SH3RF1: variants seen among roughly 807,000 people sequenced by gnomAD.
The protein encoded by SH3RF1 is SH3 domain containing ring finger 1, also known as E3 ubiquitin-protein ligase SH3RF1.
SH3RF1 carries 32 observed loss-of-function variants against 74.0 expected under a neutral mutation model. That is an observed-to-expected ratio of 0.43 (90% CI 0.33 to 0.58). The LOEUF (loss-of-function observed/expected upper bound fraction) is 0.58, where lower values mean the gene tolerates loss of function less well. SH3RF1 is among the 20% of genes least tolerant of loss of function. The pLI, the probability that SH3RF1 is intolerant of heterozygous loss-of-function variation, is 0.05. For missense variants in SH3RF1, 954 were observed against 1,130.9 expected (o/e 0.84, Z 2.24); for synonymous variants, 396 against 439.6 (o/e 0.90, Z 1.24).
chr4:169,258,694 T>C (rs1214741589), intron 2 of SH3RF1, among the ~76,000 whole-genome samples: 2 of 152,200 alleles, frequency 1.3e-5, no homozygotes, highest in African/African-American at 4.8e-5. Context: ...ATTAGTAAAC[T>C]AAATGTCACT....
rs1734058595 is a variant in SH3RF1, at chr4:169,156,548, T to C, written c.525A>G (p.Glu175=). ...GGAAAAAGCCATGGATTCCATTGAC[T>C]TCCCCATGGTACCAATTTTCATCCA... ...RQVDENWYHG[E]VNGIHGFFPT... Residue 175 remains glutamate, a synonymous_variant, in exon 3 of 12, where the codon GAA becomes GAG. Coordinates refer to ENST00000284637, the MANE Select transcript of SH3RF1 (RefSeq NM_020870.4). 6.2e-7 allele frequency: 1 copy of C among 1,614,168 alleles called. No individual in the cohort carries two copies. The highest frequency in any genetic ancestry group is 8.5e-7 in the Non-Finnish European group (1 of 1,180,008).
At chr4:169,252,517 T>TGGC (rs943069720) in intron 2 of SH3RF1, among the ~76,000 whole-genome samples, 2 of 152,238 alleles carry the variant, frequency 1.3e-5, no homozygotes, top group Non-Finnish European at 2.9e-5. Flanking sequence ...CCCTACCATC[T>TGGC]GGCACCTGGG....
At chr4:169,229,382 T>G (rs2127006256) in intron 2 of SH3RF1, among the ~76,000 whole-genome samples, 1 of 152,260 alleles carries the variant, frequency 6.6e-6, no homozygotes, top group African/African-American at 2.4e-5. Flanking sequence ...ATATAATACT[T>G]TATTGTACAA....
At position 169,136,380 on chromosome 4, in the gene SH3RF1, T is replaced by C; in HGVS notation, c.1006A>G (p.Asn336Asp). 6.3e-7 allele frequency: 1 copy of C among 1,584,272 alleles called. No individual in the cohort carries two copies. Among genetic ancestry groups the C allele is most frequent in the Non-Finnish European group, 8.6e-7 (1 of 1,167,418 alleles). The stretch of plus-strand genomic sequence containing the variant: ...CTGATCCGTGCAGCAGCAGTGGGGT[T>C]GCTGGAGCTGATGAGGACAGGGGGG... ...ISPPVLISSS[N>D]PTAAARISEL... Residue 336 changes from asparagine to aspartate, a missense_variant, in exon 5 of 12, where the codon AAC becomes GAC. Transcript: ENST00000284637.
At chr4:169,225,818 G>A (rs1366588135) in intron 2 of SH3RF1, among the ~76,000 whole-genome samples, 1 of 152,162 alleles carries the variant, frequency 6.6e-6, no homozygotes, top group East Asian at 1.9e-4. Context: ...TTAAAGAGCA[G>A]AATCCAGTGG....
In SH3RF1 at chr4:169,247,324, A is replaced by G. The variant is rs139861160; in HGVS notation, c.393+21496T>C. Reference sequence around the variant, plus strand: ...CGCTGAGGGATCTTCCCCCAAATAAATATTTACTGAGAGAGTGAATGGTGG... The same window carrying G: ...CGCTGAGGGATCTTCCCCCAAATAAGTATTTACTGAGAGAGTGAATGGTGG... On this transcript the variant is annotated intron_variant, in intron 2 of 11. Transcript: ENST00000284637. Among the ~76,000 whole-genome samples, 349 of 152,310 alleles carry G rather than the reference A, an allele frequency of 2.3e-3. 2 individuals are homozygous for G. The highest frequency in any genetic ancestry group is 5.0e-3 in the Admixed American group (77 of 15,306).
intron 4 of SH3RF1, among the ~76,000 whole-genome samples, chr4:169,148,259 G>A (rs141478293): frequency 1.3e-5 from 2 of 152,312 alleles, no homozygotes; most frequent in East Asian, 3.9e-4. Flanking sequence ...GCGATGAACT[G>A]CAGAGTGGAG....
intron 2 of SH3RF1, among the ~76,000 whole-genome samples, chr4:169,251,544 A>T (rs934200016): frequency 1.3e-5 from 2 of 152,206 alleles, no homozygotes; most frequent in African/African-American, 4.8e-5. Context: ...TTCATTGTCA[A>T]TTCATGGTTC....
intron 2 of SH3RF1, among the ~76,000 whole-genome samples, chr4:169,160,488 C>T (rs1198530732): frequency 1.3e-5 from 2 of 152,198 alleles, no homozygotes; most frequent in African/African-American, 2.4e-5. Flanking sequence ...CGTGATGCAA[C>T]TGAAAATTCA....
chr4:169,209,467 T>C (rs1457606047), intron 2 of SH3RF1, among the ~76,000 whole-genome samples: 1 of 152,054 alleles, frequency 6.6e-6, no homozygotes, highest in African/African-American at 2.4e-5. Context: ...ACAGCACCTA[T>C]CCTCGTGGGC....
chr4:169,122,956 G>GA (rs951330634), intron 6 of SH3RF1, among the ~76,000 whole-genome samples: 2 of 152,076 alleles, frequency 1.3e-5, no homozygotes, highest in African/African-American at 4.8e-5. Flanking sequence ...CATGCCTTTT[G>GA]AAAATCAATG....
chr4:169,183,876 G>A (rs1037139757), intron 2 of SH3RF1, among the ~76,000 whole-genome samples: 1 of 152,148 alleles, frequency 6.6e-6, no homozygotes, highest in African/African-American at 2.4e-5. Context: ...ATGTAGGAAA[G>A]AGACTTTTTA....
At chr4:169,180,364 C>T (rs879030114) in intron 2 of SH3RF1, among the ~76,000 whole-genome samples, 1 of 152,246 alleles carries the variant, frequency 6.6e-6, no homozygotes, top group Non-Finnish European at 1.5e-5. Context: ...GATCCTCCAC[C>T]TCATTGAATT....
intron 2 of SH3RF1, among the ~76,000 whole-genome samples, chr4:169,178,793 C>T (rs1734463900): frequency 6.6e-6 from 1 of 152,072 alleles, no homozygotes; most frequent in South Asian, 2.1e-4. Flanking sequence ...TTCTTAGATG[C>T]ACAATCCATT....
At chr4:169,135,841 C>T (rs1733690661) in intron 5 of SH3RF1, among the ~76,000 whole-genome samples, 1 of 152,164 alleles carries the variant, frequency 6.6e-6, no homozygotes, top group Non-Finnish European at 1.5e-5. Context: ...AAATTAAATG[C>T]TTCTTTCTGT....
intron 2 of SH3RF1, among the ~76,000 whole-genome samples, chr4:169,171,331 G>A (rs1734324189): frequency 6.6e-6 from 1 of 152,160 alleles, no homozygotes; most frequent in Non-Finnish European, 1.5e-5. Flanking sequence ...ATTGTTCTTT[G>A]CTCAATTAAA....
Position 169,181,257 on chromosome 4 carries a change from C to CTTT in SH3RF1, c.394-24581_394-24579dup, listed in dbSNP as rs397878328. Among the ~76,000 whole-genome samples the CTTT allele has an allele frequency of 7.2e-3, 749 of 103,354 alleles. 22 individuals are homozygous for CTTT. The highest frequency in any genetic ancestry group is 0.024 in the African/African-American group (589 of 24,254). The allele number at this position is 103,354 out of a possible 152,430, so 67.8% of individuals were successfully genotyped here. A position where few individuals can be genotyped will look rare whatever the true frequency, so the allele number is the denominator to read the frequency against. ...TAGCCAACACTCACCTTGGGAAAGCCTTTTTTTTTTTTTTTTTTTTTTTGA... is the reference window on the plus strand; with the variant it reads ...TAGCCAACACTCACCTTGGGAAAGCCTTTTTTTTTTTTTTTTTTTTTTTTTTGA... On this transcript the variant is annotated intron_variant, in intron 2 of 11. Transcript: ENST00000284637.
chr4:169,231,622 C>T (rs999280043), intron 2 of SH3RF1, among the ~76,000 whole-genome samples: 3 of 151,934 alleles, frequency 2.0e-5, no homozygotes, highest in Admixed American at 2.0e-4. Context: ...ATTTCTCCTA[C>T]ACTCAAGATT....
At chr4:169,213,982 G>A (rs1333610928) in intron 2 of SH3RF1, among the ~76,000 whole-genome samples, 1 of 152,156 alleles carries the variant, frequency 6.6e-6, no homozygotes, top group Non-Finnish European at 1.5e-5. Context: ...TCAATATTGT[G>A]TAGGCTATTA....
Sources: allele counts gnomAD v4.1 joint callset (sites outside exome capture counted in the v4.1 genomes callset), GRCh38; gene constraint gnomAD v4.1.1; transcripts MANE v1.5; gene names NCBI Gene and HGNC (gene_info 2026-07-23, HGNC 2026-07-21).